Variants in NAALADL2 observed in about 807,000 individuals in gnomAD.
NAALADL2 encodes the protein inactive N-acetylated-alpha-linked acidic dipeptidase-like protein 2.
Under a neutral mutation model 87.2 loss-of-function variants are expected in NAALADL2, and 76 were observed. That is an observed-to-expected ratio of 0.87 (90% CI 0.72 to 1.05). The LOEUF (loss-of-function observed/expected upper bound fraction) is 1.05, where lower values mean the gene tolerates loss of function less well. Ranked by LOEUF, NAALADL2 falls within the 50% of genes least tolerant of loss-of-function variation. The pLI, the probability that NAALADL2 is intolerant of heterozygous loss-of-function variation, is 0.00. For missense variants in NAALADL2, 1,089 were observed against 945.8 expected (o/e 1.15, Z -1.99); for synonymous variants, 354 against 331.0 (o/e 1.07, Z -0.75).
chr3:174,794,886 A>G (rs897957211), intron 3 of NAALADL2, among the ~76,000 whole-genome samples: 16 of 151,398 alleles, frequency 1.1e-4, no homozygotes, highest in African/African-American at 3.6e-4. Context: ...AATTTGCATC[A>G]CGGAAAAGTT....
intron 4 of NAALADL2, among the ~76,000 whole-genome samples, chr3:175,260,995 G>A (rs1422562415): frequency 6.6e-6 from 1 of 152,058 alleles, no homozygotes; most frequent in African/African-American, 2.4e-5. Flanking sequence ...TCTGATATGT[G>A]CTGTGAAATC....
chr3:175,716,110 A>G (rs1741207637), intron 11 of NAALADL2, among the ~76,000 whole-genome samples: 1 of 147,774 alleles, frequency 6.8e-6, no homozygotes, highest in Non-Finnish European at 1.5e-5. Flanking sequence ...ATTATATATG[A>G]TATATGTAAT....
At chr3:174,461,370 A>G (rs1156885835) in intron 1 of NAALADL2, among the ~76,000 whole-genome samples, 1 of 152,114 alleles carries the variant, frequency 6.6e-6, no homozygotes, top group East Asian at 1.9e-4. Flanking sequence ...ATCTAGATTT[A>G]ATAATCATAT....
rs59352149 is a variant in NAALADL2, at chr3:175,495,092, A to ATT, written c.1653+23342_1653+23343dup. Among the ~76,000 whole-genome samples the ATT allele has an allele frequency of 2.9e-4, 39 of 136,502 alleles. No individual in the cohort carries two copies. In the Middle Eastern group the frequency reaches 0.011, roughly 39 times the overall value. 89.6% of individuals were successfully genotyped at this position (136,502 alleles called of 152,430 possible). ...CAATCCCATATATATATATATATAT[A>ATT]TTTTTTTTTAATTTTAGATTATTTC... On this transcript the variant is annotated intron_variant, in intron 9 of 13. Transcript: ENST00000454872.
At chr3:174,858,623 C>G (rs1579234255), upstream of NAALADL2, among the ~76,000 whole-genome samples, 1 of 151,810 alleles carries the variant, frequency 6.6e-6, no homozygotes, top group Non-Finnish European at 1.5e-5. Flanking sequence ...TCTGGGACAT[C>G]AATGCTGCAG....
chr3:174,786,468 AAT>A (rs1716679490), intron 3 of NAALADL2, among the ~76,000 whole-genome samples: 4 of 93,372 alleles, frequency 4.3e-5, no homozygotes, highest in Admixed American at 1.0e-4. Flanking sequence ...AAAAAAAAAT[AAT>A]AAATAAATGA....
At chr3:174,578,986 G>T (rs1277116804) in intron 2 of NAALADL2, among the ~76,000 whole-genome samples, 1 of 151,790 alleles carries the variant, frequency 6.6e-6, no homozygotes, top group African/African-American at 2.4e-5. Context: ...ATTTCACAAA[G>T]AAAAATATGC....
chr3:174,529,462 G>A (rs1392815575), intron 1 of NAALADL2, among the ~76,000 whole-genome samples: 1 of 152,192 alleles, frequency 6.6e-6, no homozygotes, highest in Non-Finnish European at 1.5e-5. Context: ...CTGAGGTCTG[G>A]AGGATGGTGG....
chr3:175,283,883 C>T (rs1327405818), intron 4 of NAALADL2, among the ~76,000 whole-genome samples: 1 of 152,060 alleles, frequency 6.6e-6, no homozygotes, highest in Non-Finnish European at 1.5e-5. Context: ...TCTAATCTTC[C>T]TCAAGGAAGG....
rs540748642 is a variant in NAALADL2 at position 174,910,220 on chromosome 3, GAGTAA to G, written c.43+50777_43+50781del. 3.7e-3 allele frequency among the ~76,000 whole-genome samples: 565 copies of G among 152,006 alleles called. 1 individual carries two copies. The highest frequency in any genetic ancestry group is 6.8e-3 in the Middle Eastern group (2 of 292). On this transcript the variant is annotated intron_variant, in intron 1 of 13. Coordinates refer to ENST00000454872, the MANE Select transcript of NAALADL2 (RefSeq NM_207015.3). Reference sequence around the variant, plus strand: ...AAGGTTAGAAACAAAAAAGTGTGAAGAGTAAAGTAAACATTACCCATAAATTAACA... The same window carrying G: ...AAGGTTAGAAACAAAAAAGTGTGAAGAGTAAACATTACCCATAAATTAACA...
intron 11 of NAALADL2, among the ~76,000 whole-genome samples, chr3:175,635,648 C>T (rs1258895601): frequency 1.3e-5 from 2 of 152,080 alleles, no homozygotes; most frequent in Non-Finnish European, 2.9e-5. Context: ...TTTGTATGCT[C>T]TAAATATAAG....
At chr3:175,360,066 C>T (rs551135032) in intron 5 of NAALADL2, among the ~76,000 whole-genome samples, 1 of 152,212 alleles carries the variant, frequency 6.6e-6, no homozygotes, top group African/African-American at 2.4e-5. Flanking sequence ...ACATCCAATA[C>T]TCAATGCACT....
chr3:175,522,994 C>G (rs777998380), intron 9 of NAALADL2, among the ~76,000 whole-genome samples: 2 of 152,170 alleles, frequency 1.3e-5, no homozygotes, highest in Non-Finnish European at 2.9e-5. Flanking sequence ...AAGTTCTTAA[C>G]CTGGGTACAC....
intron 11 of NAALADL2, among the ~76,000 whole-genome samples, chr3:175,711,555 A>G (rs142294172): frequency 1.3e-5 from 2 of 152,078 alleles, no homozygotes; most frequent in East Asian, 1.9e-4. Context: ...AGTCAAGCTT[A>G]TAATTAGTGA....
chr3:175,788,292 A>G (rs1752355570), intron 13 of NAALADL2, among the ~76,000 whole-genome samples: 1 of 151,786 alleles, frequency 6.6e-6, no homozygotes, highest in African/African-American at 2.4e-5. Flanking sequence ...GGGGTTTGTC[A>G]TGTTGCCCAG....
rs191421355 is a variant in NAALADL2 at position 175,362,095 on chromosome 3, A to G, written c.1090+37770A>G. Among the ~76,000 whole-genome samples the G allele has an allele frequency of 8.2e-3, 1,214 of 147,962 alleles. 115 individuals are homozygous for G. The highest frequency in any genetic ancestry group is 0.014 in the Non-Finnish European group (953 of 66,504). ...TCAGCTTTCTACATATGGCTAGCCA[A>G]TTTTCCAGCGCCATTTATTAAATGA... On this transcript the variant is annotated intron_variant, in intron 5 of 13. Transcript: ENST00000454872.
chr3:174,441,974 T>C (rs568124310), intron 1 of NAALADL2, among the ~76,000 whole-genome samples: 1 of 152,142 alleles, frequency 6.6e-6, no homozygotes, highest in Non-Finnish European at 1.5e-5. Context: ...AGATAGACTT[T>C]TTTTTTAACC....
At chr3:174,597,540 ATT>A (rs1480988963) in intron 2 of NAALADL2, among the ~76,000 whole-genome samples, 1 of 151,970 alleles carries the variant, frequency 6.6e-6, no homozygotes, top group African/African-American at 2.4e-5. Context: ...TATGTTAACC[ATT>A]TTCTGTACCT....
intron 3 of NAALADL2, among the ~76,000 whole-genome samples, chr3:175,243,745 A>G (rs1345671220): frequency 6.6e-6 from 1 of 151,786 alleles, no homozygotes; most frequent in Non-Finnish European, 1.5e-5. Flanking sequence ...TCTTTCATCT[A>G]CGGCCACAGA....
Sources: gnomAD v4.1 joint callset for allele counts (sites outside exome capture counted in the v4.1 genomes callset) on GRCh38, gnomAD v4.1.1 for gene constraint, MANE v1.5 for transcripts, NCBI Gene and HGNC (gene_info 2026-07-23, HGNC 2026-07-21) for gene names.